The following C12orf42 variants were observed in gnomAD, a reference collection of about 807,000 sequenced individuals.
The protein encoded by C12orf42 is uncharacterized protein C12orf42.
In C12orf42, 25 loss-of-function variants were observed where a neutral mutation model predicts 21.6. The ratio of observed to expected loss-of-function variants is 1.16; its 90% confidence interval spans 0.84 to 1.62. The LOEUF is 1.62. Ranked by LOEUF, C12orf42 falls within the 40% of genes most tolerant of loss-of-function variation. The probability of loss-of-function intolerance (pLI) is 0.00; values close to 1 mark genes in which losing one functional copy is unlikely to be tolerated. For missense variants in C12orf42, 483 were observed against 459.3 expected, an observed-to-expected ratio of 1.05 and a Z score of -0.47; for synonymous variants, 174 against 175.0, an observed-to-expected ratio of 0.99 and a Z score of 0.05.
chr12:103,491,048 AG>A (rs1955154274), intron 1 of C12orf42, among the ~76,000 whole-genome samples: 1 of 152,208 alleles, frequency 6.6e-6, no homozygotes, highest in Non-Finnish European at 1.5e-5. Flanking sequence ...CATATAAATT[AG>A]AAAAATTTCA....
At chr12:103,557,841 C>G in the C12orf42 span, 1 of 152,126 alleles carries the variant, frequency 6.6e-6, no homozygotes, top group African/African-American at 2.4e-5. Flanking sequence ...GGAAGTGACT[C>G]AAAACCAAAA....
the C12orf42 span, among the ~76,000 whole-genome samples, chr12:103,186,490 A>G: frequency 1.3e-5 from 2 of 152,206 alleles, no homozygotes. Flanking sequence ...CATTATGTTT[A>G]AAAGCCTAAG....
At chr12:103,177,630 C>T in the C12orf42 span, among the ~76,000 whole-genome samples, 1 of 152,202 alleles carries the variant, frequency 6.6e-6, no homozygotes, top group Non-Finnish European at 1.5e-5. Context: ...GAAAAACTGA[C>T]TTTCTTTTAC....
At chr12:103,505,094 A>G in the C12orf42 span, among the ~76,000 whole-genome samples, 1 of 152,184 alleles carries the variant, frequency 6.6e-6, no homozygotes, top group East Asian at 1.9e-4. Context: ...TCCCTTCTGA[A>G]GTTGTTCAGA....
intron 4 of C12orf42, among the ~76,000 whole-genome samples, chr12:103,330,424 G>C (rs2041144697): frequency 6.6e-6 from 1 of 152,180 alleles, no homozygotes; most frequent in African/African-American, 2.4e-5. Context: ...AATTCTAACA[G>C]GATTAGTCTC....
chr12:103,351,523 C>T (rs1244656924), intron 4 of C12orf42, among the ~76,000 whole-genome samples: 1 of 152,140 alleles, frequency 6.6e-6, no homozygotes, highest in African/African-American at 2.4e-5. Context: ...ATGTCTCCTT[C>T]ACCATTGATT....
the C12orf42 span, among the ~76,000 whole-genome samples, chr12:103,507,344 T>C: frequency 7.8e-6 from 1 of 128,450 alleles, no homozygotes; most frequent in Non-Finnish European, 1.6e-5. Context: ...TACCAGGGTA[T>C]GTACCAATAG....
chr12:103,107,281 T>C, the C12orf42 span, among the ~76,000 whole-genome samples: 12 of 152,070 alleles, frequency 7.9e-5, no homozygotes, highest in Non-Finnish European at 1.2e-4. Flanking sequence ...CTATATATGT[T>C]ACACATTGGA....
the C12orf42 span, among the ~76,000 whole-genome samples, chr12:103,182,559 C>T: frequency 6.6e-6 from 1 of 151,978 alleles, no homozygotes; most frequent in Non-Finnish European, 1.5e-5. Context: ...GAAACAGTTA[C>T]TTAATAAAGG....
At chr12:103,279,353 A>T (rs2035963606) in intron 4 of C12orf42, among the ~76,000 whole-genome samples, 1 of 152,218 alleles carries the variant, frequency 6.6e-6, no homozygotes, top group Admixed American at 6.5e-5. Context: ...AAATGCATAC[A>T]TTAAATATAT....
chr12:103,159,456 C>T, the C12orf42 span: 3 of 152,210 alleles, frequency 2.0e-5, no homozygotes, highest in African/African-American at 7.2e-5. Flanking sequence ...CTCCTGCCTT[C>T]AGAAAGCTTC....
At chr12:103,059,830 T>G in the C12orf42 span, among the ~76,000 whole-genome samples, 3 of 152,132 alleles carry the variant, frequency 2.0e-5, no homozygotes, top group Non-Finnish European at 4.4e-5. Context: ...GGAACATATC[T>G]CAAAATAGTA....
the C12orf42 span, among the ~76,000 whole-genome samples, chr12:103,173,460 G>A: frequency 6.6e-6 from 1 of 152,022 alleles, no homozygotes; most frequent in African/African-American, 2.4e-5. Context: ...ATGAACTCTG[G>A]TGTTATCTGA....
intron 10 of C12orf42, among the ~76,000 whole-genome samples, chr12:103,246,136 G>A (rs1486717400): frequency 6.6e-6 from 1 of 152,088 alleles, no homozygotes; most frequent in Non-Finnish European, 1.5e-5. Flanking sequence ...TTGCCAATTT[G>A]GTTCCAACTT....
chr12:103,542,275 C>T, the C12orf42 span, among the ~76,000 whole-genome samples: 1 of 152,202 alleles, frequency 6.6e-6, no homozygotes, highest in South Asian at 2.1e-4. Context: ...ATAGTATGAA[C>T]ATGAGTGGTG....
the C12orf42 span, among the ~76,000 whole-genome samples, chr12:103,140,833 CA>C: frequency 1.4e-4 from 21 of 152,230 alleles, no homozygotes; most frequent in East Asian, 3.1e-3. Context: ...TTGGGAGACA[CA>C]CACACACAGA....
chr12:103,288,199 G>A (rs971376037), intron 4 of C12orf42, among the ~76,000 whole-genome samples: 2 of 152,166 alleles, frequency 1.3e-5, no homozygotes, highest in African/African-American at 4.8e-5. Context: ...AACCCAGATA[G>A]AGGTCAATTG....
At chr12:103,378,420 T>C (rs2045892957) in intron 3 of C12orf42, among the ~76,000 whole-genome samples, 1 of 152,100 alleles carries the variant, frequency 6.6e-6, no homozygotes, top group African/African-American at 2.4e-5. Context: ...AGGCACCAAC[T>C]TGTCTCTATG....
At chr12:103,375,122 A>C (rs1280568218) in intron 3 of C12orf42, among the ~76,000 whole-genome samples, 1 of 152,198 alleles carries the variant, frequency 6.6e-6, no homozygotes, top group African/African-American at 2.4e-5. Flanking sequence ...CCTCCATGGA[A>C]TTGCTTTAAA....
Sources: allele counts gnomAD v4.1 joint callset (sites outside exome capture counted in the v4.1 genomes callset), GRCh38; gene constraint gnomAD v4.1.1; transcripts MANE v1.5; gene names NCBI Gene and HGNC (gene_info 2026-07-23, HGNC 2026-07-21).